The following AGBL4 variants were observed in gnomAD, a reference collection of about 807,000 sequenced individuals.
AGBL4 encodes cytosolic carboxypeptidase 6.
AGBL4 carries 58 observed loss-of-function variants against 66.4 expected under a neutral mutation model. The ratio of observed to expected loss-of-function variants is 0.87; its 90% CI spans 0.71 to 1.09. The LOEUF (loss-of-function observed/expected upper bound fraction) is 1.09, where lower values mean the gene tolerates loss of function less well. Among genes scored for constraint, AGBL4 ranks in the 50% least tolerant of loss-of-function variants. The pLI, the probability that AGBL4 is intolerant of heterozygous loss-of-function variation, is 0.00. For missense variants in AGBL4, 579 were observed against 631.0 expected (o/e 0.92, Z 0.88); for synonymous variants, 234 against 222.9 (o/e 1.05, Z -0.44).
chr1:49,573,641 T>C (rs994375169), intron 3 of AGBL4, among the ~76,000 whole-genome samples: 1 of 152,114 alleles, frequency 6.6e-6, no homozygotes, highest in African/African-American at 2.4e-5. Context: ...AAGATTGCCC[T>C]GAGTGAGAGT....
chr1:49,878,218 CT>C (rs1647086675), intron 1 of AGBL4, among the ~76,000 whole-genome samples: 1 of 147,748 alleles, frequency 6.8e-6, no homozygotes, highest in Admixed American at 6.7e-5. Context: ...AATGTGTTTG[CT>C]CTTGCTTTTC....
intron 6 of AGBL4, among the ~76,000 whole-genome samples, chr1:48,846,393 GAAAGAA>G (rs1646915390): frequency 6.7e-6 from 1 of 150,296 alleles, no homozygotes; most frequent in Non-Finnish European, 1.5e-5. Flanking sequence ...AAGAAAGAAA[GAAAGAA>G]AGAAAGAAAG....
downstream of AGBL4, among the ~76,000 whole-genome samples, chr1:48,531,131 C>T (rs1288920358): frequency 6.6e-6 from 1 of 152,112 alleles, no homozygotes; most frequent in Non-Finnish European, 1.5e-5. Flanking sequence ...TTTTTCTGCT[C>T]TGCCAATGTG....
intron 3 of AGBL4, among the ~76,000 whole-genome samples, chr1:49,488,741 T>C (rs942122926): frequency 1.3e-5 from 2 of 151,794 alleles, no homozygotes; most frequent in Non-Finnish European, 2.9e-5. Context: ...ACTCTCCATC[T>C]CCATGAGTTA....
intron 2 of AGBL4, among the ~76,000 whole-genome samples, chr1:49,799,583 G>A (rs2147945095): frequency 6.6e-6 from 1 of 152,198 alleles, no homozygotes; most frequent in East Asian, 1.9e-4. Flanking sequence ...ATAGTAGAAA[G>A]AGAGAGACAG....
At chr1:49,082,730 T>C (rs1350284968) in intron 4 of AGBL4, among the ~76,000 whole-genome samples, 1 of 152,202 alleles carries the variant, frequency 6.6e-6, no homozygotes, top group African/African-American at 2.4e-5. Flanking sequence ...AAACCAATCA[T>C]GCCTTCCAAA....
chr1:48,838,572 A>G (rs1646734061), intron 6 of AGBL4, among the ~76,000 whole-genome samples: 1 of 152,194 alleles, frequency 6.6e-6, no homozygotes, highest in Non-Finnish European at 1.5e-5. Flanking sequence ...ATTACCTGCA[A>G]CCATGAAACT....
intron 4 of AGBL4, among the ~76,000 whole-genome samples, chr1:49,171,488 CT>C (rs780317838): frequency 1.1e-4 from 16 of 149,718 alleles, no homozygotes; most frequent in East Asian, 3.9e-4. Flanking sequence ...TTTAAAAAGA[CT>C]TTTTTTTTTC....
At chr1:49,941,777 A>G (rs1234223939) in intron 1 of AGBL4, among the ~76,000 whole-genome samples, 2 of 152,138 alleles carry the variant, frequency 1.3e-5, no homozygotes, top group African/African-American at 2.4e-5. Flanking sequence ...AGCTAATACC[A>G]TACTCAACAG....
At chr1:48,735,048 C>T (rs1029236039) in intron 6 of AGBL4, among the ~76,000 whole-genome samples, 6 of 152,072 alleles carry the variant, frequency 3.9e-5, no homozygotes, top group African/African-American at 7.2e-5. Flanking sequence ...TTTCCTTGTC[C>T]GTAAAATAGG....
chr1:48,733,380 G>A (rs1648468499), intron 6 of AGBL4, among the ~76,000 whole-genome samples: 1 of 152,156 alleles, frequency 6.6e-6, no homozygotes, highest in Non-Finnish European at 1.5e-5. Context: ...GAAAATGGAG[G>A]ACATAGTTAA....
chr1:49,956,391 T>G (rs951402408), intron 1 of AGBL4, among the ~76,000 whole-genome samples: 13 of 151,768 alleles, frequency 8.6e-5, no homozygotes, highest in Admixed American at 6.6e-5. Flanking sequence ...ATACTGGATA[T>G]CCAACATTGT....
chr1:49,687,296 T>C (rs1219284973), intron 3 of AGBL4, among the ~76,000 whole-genome samples: 1 of 152,164 alleles, frequency 6.6e-6, no homozygotes, highest in Non-Finnish European at 1.5e-5. Context: ...TGAATGGCTG[T>C]AGCAGAGATA....
chr1:49,816,807 C>T lies in AGBL4; in HGVS notation c.157+34589G>A, dbSNP rs558543384. Among the ~76,000 whole-genome samples, 11 of 152,250 alleles carry T rather than the reference C, an allele frequency of 7.2e-5. No individual in the cohort carries two copies. The South Asian group carries it at 1.7e-3, about 23-fold the overall frequency. On this transcript the variant is annotated intron_variant, in intron 2 of 13. Transcript: ENST00000371839. ...TCTAATACTGCTCATAGACATTATG[C>T]TGTGGTCAAGAAATGGCTCAGAGAT...
At chr1:49,437,287 C>T (rs1377977657) in intron 3 of AGBL4, among the ~76,000 whole-genome samples, 1 of 152,144 alleles carries the variant, frequency 6.6e-6, no homozygotes, top group Non-Finnish European at 1.5e-5. Flanking sequence ...GTATTATTCT[C>T]ATTTTAAATC....
rs144182851 is a variant in AGBL4 at position 48,571,354 on chromosome 1, T to C, written c.1267+15650A>G. 3.4e-4 allele frequency among the ~76,000 whole-genome samples: 52 copies of C among 152,352 alleles called. 2 individuals carry two copies. The South Asian group carries it at 5.0e-3, about 15-fold the overall frequency. On this transcript the variant is annotated intron_variant, in intron 11 of 13. Coordinates refer to ENST00000371839, the MANE Select transcript of AGBL4 (RefSeq NM_032785.4). ...CTGCACCACTTAGTTGTCCTGGCTT[T>C]CTCCATAGCTGGGCTGAAAGATGTG... is the stretch of plus-strand genomic sequence containing the variant.
intron 6 of AGBL4, chr1:48,759,182 A>C: frequency 6.2e-7 from 1 of 1,613,904 alleles, no homozygotes; most frequent in Non-Finnish European, 8.5e-7. Flanking sequence ...TCTTCCGGAC[A>C]CGTGCTATGG....
intron 3 of AGBL4, among the ~76,000 whole-genome samples, chr1:49,508,923 A>T (rs979440083): frequency 1.3e-5 from 2 of 151,856 alleles, no homozygotes; most frequent in African/African-American, 4.8e-5. Flanking sequence ...CAATTCATCC[A>T]ATAAGACATG....
At chr1:49,002,167 C>T (rs1571202244) in intron 5 of AGBL4, among the ~76,000 whole-genome samples, 1 of 152,140 alleles carries the variant, frequency 6.6e-6, no homozygotes, top group African/African-American at 2.4e-5. Context: ...GTATAAGCAG[C>T]ATTCTATGTA....
Sources: allele counts gnomAD v4.1 joint callset (sites outside exome capture counted in the v4.1 genomes callset), GRCh38; gene constraint gnomAD v4.1.1; transcripts MANE v1.5; gene names NCBI Gene and HGNC (gene_info 2026-07-23, HGNC 2026-07-21).